The following ARNT2 variants were observed in gnomAD, a reference collection of about 807,000 sequenced individuals.
The protein encoded by ARNT2 is ARNT protein 2.
A neutral mutation model predicts 91.7 loss-of-function variants in ARNT2; 36 were observed. The ratio of observed to expected loss-of-function variants is 0.39; its 90% CI spans 0.30 to 0.52. The LOEUF is 0.52. ARNT2 is among the 20% of genes least tolerant of loss of function. ARNT2 has a pLI of 0.72. For missense variants in ARNT2, 775 were observed against 939.3 expected (o/e 0.83, Z 2.29); for synonymous variants, 365 against 347.1 (o/e 1.05, Z -0.57).
At chr15:80,450,541 G>T (rs889622799) in intron 1 of ARNT2, among the ~76,000 whole-genome samples, 1 of 152,244 alleles carries the variant, frequency 6.6e-6, no homozygotes, top group Non-Finnish European at 1.5e-5. Context: ...TAGCTGTGCT[G>T]CTCGGATTCC....
chr15:80,503,558 C>A (rs1025455245), intron 5 of ARNT2, among the ~76,000 whole-genome samples: 1 of 152,208 alleles, frequency 6.6e-6, no homozygotes, highest in Non-Finnish European at 1.5e-5. Flanking sequence ...TCAGAGCACA[C>A]TTTGGAATCT....
At chr15:80,559,621 G>C (rs972106676) in intron 11 of ARNT2, among the ~76,000 whole-genome samples, 7 of 152,202 alleles carry the variant, frequency 4.6e-5, no homozygotes, top group African/African-American at 1.7e-4. Flanking sequence ...ATTTGAGTTT[G>C]AGGGGGTGAG....
At chr15:80,473,846 G>T (rs935418930) in intron 4 of ARNT2, among the ~76,000 whole-genome samples, 1 of 152,164 alleles carries the variant, frequency 6.6e-6, no homozygotes, top group South Asian at 2.1e-4. Context: ...TCCACCTTTT[G>T]CCTTCACTCT....
At position 80,513,978 on chromosome 15, in the gene ARNT2, T is replaced by C; in HGVS notation, c.791+2T>C. On this transcript the variant is annotated splice_donor_variant, in intron 7 of 18. Coordinates refer to ENST00000303329, the MANE Select transcript of ARNT2 (RefSeq NM_014862.4). LOFTEE classifies it high-confidence loss of function. ...AACCACCATGAGGAAAAGGTTCAGG[T>C]CAGTATCTCTTCCGATGTATATTTT... The C allele has an allele frequency of 6.2e-7, 1 of 1,611,076 alleles. No homozygotes were observed.
chr15:80,435,266 T>C (rs1015438104), intron 1 of ARNT2, among the ~76,000 whole-genome samples: 4 of 152,156 alleles, frequency 2.6e-5, no homozygotes, highest in Non-Finnish European at 4.4e-5. Flanking sequence ...TCTCTTTCCC[T>C]CTTGGAGTGA....
At chr15:80,443,142 C>A in intron 1 of ARNT2, 3 of 571,862 alleles carry the variant, frequency 5.2e-6, no homozygotes, top group Non-Finnish European at 6.6e-6. Flanking sequence ...CTGTAAGGAA[C>A]TAATGAGGTG....
chr15:80,533,585 T>G (rs1008401726), intron 8 of ARNT2, among the ~76,000 whole-genome samples: 7 of 152,126 alleles, frequency 4.6e-5, no homozygotes, highest in Non-Finnish European at 8.8e-5. Flanking sequence ...CTTCTAGAAG[T>G]GAGACATGGG....
intron 5 of ARNT2, among the ~76,000 whole-genome samples, chr15:80,484,538 A>G (rs1190569823): frequency 2.0e-5 from 3 of 152,226 alleles, no homozygotes; most frequent in Non-Finnish European, 2.9e-5. Context: ...TTAAATATTT[A>G]TACAACCTGC....
In ARNT2 at chr15:80,470,416, C is replaced by G; in HGVS notation, c.393C>G (p.Ser131=). ...NKSTDGAYKP[S]FLTEQELKHL... ...CCACCGATGGCGCGTACAAGCCTTC[C>G]TTCCTCACAGAGCAGGTACCCTGGT... The change falls in exon 4 of 19, where the codon TCC becomes TCG. Residue 131 remains serine (S), a synonymous_variant. Coordinates refer to ENST00000303329, the MANE Select transcript of ARNT2 (RefSeq NM_014862.4). The G allele has an allele frequency of 6.2e-7, 1 of 1,614,168 alleles. No individual in the cohort carries two copies. Among genetic ancestry groups the G allele is most frequent in the South Asian group, 1.1e-5 (1 of 91,078 alleles).
chr15:80,550,786 T>C (rs890937859), intron 8 of ARNT2, among the ~76,000 whole-genome samples: 1 of 152,278 alleles, frequency 6.6e-6, no homozygotes, highest in African/African-American at 2.4e-5. Context: ...CAGTGGTTTT[T>C]ACTTGTGTTT....
intron 1 of ARNT2, among the ~76,000 whole-genome samples, chr15:80,422,820 T>A (rs1484795518): frequency 6.6e-6 from 1 of 152,206 alleles, no homozygotes; most frequent in Non-Finnish European, 1.5e-5. Flanking sequence ...TCATATTAAA[T>A]ATTTCTACAC....
intron 8 of ARNT2, 105 bp downstream of exon 8, chr15:80,514,510 T>A: frequency 1.1e-6 from 1 of 952,368 alleles, no homozygotes; most frequent in South Asian, 1.5e-5. Flanking sequence ...AGGAAAATAT[T>A]CTTATTTTTC....
chr15:80,578,142 G>T (rs550690375), intron 15 of ARNT2, among the ~76,000 whole-genome samples: 2 of 152,288 alleles, frequency 1.3e-5, no homozygotes, highest in African/African-American at 2.4e-5. Flanking sequence ...TGTGACACTT[G>T]CTGCTTGTCC....
In ARNT2 at chr15:80,591,715, C is replaced by T. The variant is rs557606920; in HGVS notation, c.2055+11C>T. On this transcript the variant is annotated intron_variant, in intron 18 of 18. Coordinates refer to ENST00000303329, the MANE Select transcript of ARNT2 (RefSeq NM_014862.4). The surrounding 1 kb of genome is among the most constrained non-coding windows in gnomAD (Gnocchi z 5.1). ...ACTGAAGTGTTCCAGGTAAATCGAG[C>T]GAGCACCGCCTTCTCGTAGGTACCG... 5.3e-5 allele frequency: 86 copies of T among 1,613,502 alleles called. 1 individual carries two copies. The South Asian group carries it at 5.7e-4, about 11-fold the overall frequency.
Position 80,528,604 on chromosome 15 carries a change from G to T in ARNT2, c.877+14199G>T, listed in dbSNP as rs546308448. Reference sequence around the variant, plus strand: ...GGTGTTTGGGTCATGGGAGTGGACCGCTCATGAATATATTAATACCCTCCC... The same window carrying T: ...GGTGTTTGGGTCATGGGAGTGGACCTCTCATGAATATATTAATACCCTCCC... On this transcript the variant is annotated intron_variant, in intron 8 of 18. Coordinates refer to ENST00000303329, the MANE Select transcript of ARNT2 (RefSeq NM_014862.4). 3.3e-5 allele frequency among the ~76,000 whole-genome samples: 5 copies of T among 152,168 alleles called. No individual in the cohort carries two copies. The South Asian group carries it at 1.0e-3, about 32-fold the overall frequency.
At chr15:80,531,411 A>G (rs898723670) in intron 8 of ARNT2, among the ~76,000 whole-genome samples, 1 of 152,260 alleles carries the variant, frequency 6.6e-6, no homozygotes, top group African/African-American at 2.4e-5. Context: ...AAGGTAATTT[A>G]ATGTGGGGCA....
chr15:80,552,511 G>A (rs1224007342), intron 9 of ARNT2, 129 bp from the exon 10 acceptor site: 1 of 1,211,828 alleles, frequency 8.3e-7, no homozygotes, highest in Non-Finnish European at 1.2e-6. Flanking sequence ...ACACTTTAGG[G>A]TCATCGTACT....
intron 8 of ARNT2, among the ~76,000 whole-genome samples, chr15:80,516,120 C>G (rs1897430211): frequency 6.6e-6 from 1 of 152,222 alleles, no homozygotes; most frequent in Non-Finnish European, 1.5e-5. Context: ...ATCCACCTGC[C>G]TCGGCCTCCC....
Position 80,563,108 on chromosome 15 carries a change from A to C in ARNT2, c.1185A>C (p.Gln395His). Residue 395 changes from glutamine (Q) to histidine (H), a missense_variant, in exon 12 of 19, where the codon CAA becomes CAC. Transcript: ENST00000303329. Reference sequence around the variant, plus strand: ...CTCAGGTGGTTAAGCTGAAAGGCCAAGTCCTGTCGGTCATGTATCGATTTC... The same window carrying C: ...CTCAGGTGGTTAAGCTGAAAGGCCACGTCCTGTCGGTCATGTATCGATTTC... The part of the protein sequence containing the change: ...SFQQVVKLKG[Q>H]VLSVMYRFRT... The C allele has an allele frequency of 6.2e-7, 1 of 1,614,128 alleles. No individual in the cohort carries two copies. Among genetic ancestry groups the C allele is most frequent in the Non-Finnish European group, 8.5e-7 (1 of 1,180,018 alleles).
Sources: gnomAD v4.1 joint callset for allele counts (sites outside exome capture counted in the v4.1 genomes callset) on GRCh38, gnomAD v4.1.1 for gene constraint, Gnocchi (gnomAD v3.1) non-coding constraint, MANE v1.5 for transcripts, NCBI Gene and HGNC (gene_info 2026-07-23, HGNC 2026-07-21) for gene names.